INTS11: variants seen among roughly 807,000 people sequenced by gnomAD.
The protein encoded by INTS11 is CPSF3-like protein.
In INTS11, 77 loss-of-function variants were observed where a neutral mutation model predicts 78.6. That is an observed-to-expected ratio of 0.98 (90% confidence interval 0.81 to 1.18). The LOEUF (loss-of-function observed/expected upper bound fraction) is 1.18. INTS11 is among the 50% of genes most tolerant of loss of function. The probability of loss-of-function intolerance (pLI) is 0.00; values close to 1 mark genes in which losing one functional copy is unlikely to be tolerated. For missense variants in INTS11, 875 were observed against 825.9 expected, an observed-to-expected ratio of 1.06 and a Z score of -0.73; for synonymous variants, 441 against 326.9, an observed-to-expected ratio of 1.35 and a Z score of -3.77.
rs548814527 is a variant in INTS11 at position 1,314,447 on chromosome 1, G to A, written c.703-82C>T. On this transcript the variant is annotated intron_variant, in intron 7 of 16. Transcript: ENST00000435064. This position sits in a 1 kb window ranked among gnomAD's most constrained non-coding sequence, Gnocchi z 4.2. ...GCGTCCAGTGAGGGCACGGCCAGGT[G>A]CCCAAGAGCTGCGGCCTCATAGGGA... The A allele has an allele frequency of 1.3e-4, 175 of 1,300,364 alleles. 1 individual carries two copies. The Middle Eastern group carries it at 3.0e-3, about 23-fold the overall frequency. The allele number at this position is 1,300,364 out of a possible 1,614,324, so 80.6% of individuals were successfully genotyped here.
Position 1,314,390 on chromosome 1 carries a change from C to T in INTS11, c.703-25G>A, listed in dbSNP as rs776374542. The T allele has an allele frequency of 1.0e-5, 16 of 1,592,852 alleles. No homozygotes were observed. The highest frequency in any genetic ancestry group is 5.2e-5 in the Admixed American group (3 of 57,754). ...CCTGAGGGGGACACAAGGCAGGAGC[C>T]CTGGGCACATGGCCCCTCGACACAG... On this transcript the variant is annotated intron_variant, in intron 7 of 16. Coordinates refer to ENST00000435064, the MANE Select transcript of INTS11 (RefSeq NM_017871.6). This position sits in a 1 kb window ranked among gnomAD's most constrained non-coding sequence, Gnocchi z 4.2.
Position 1,313,903 on chromosome 1 carries a change from C to G in INTS11, c.786G>C (p.Lys262Asn). 6.2e-7 allele frequency: 1 copy of G among 1,612,700 alleles called. No homozygotes were observed. The highest frequency in any genetic ancestry group is 8.5e-7 in the Non-Finnish European group (1 of 1,179,680). ...LETFWERMNL[K>N]VPIYFSTGLT... Reference sequence around the variant, plus strand: ...GCCCCGTGGAGAAGTAGATGGGCACCTTCAGGTTCATGCGCTCCCTGGGGA... The same window carrying G: ...GCCCCGTGGAGAAGTAGATGGGCACGTTCAGGTTCATGCGCTCCCTGGGGA... The change falls in exon 9 of 17, where the codon AAG (lysine) becomes AAC (asparagine). Residue 262 changes from lysine (K) to asparagine (N), a missense_variant. Transcript: ENST00000435064.
chr1:1,322,923 G>T, intron 1 of INTS11: 1 of 1,340,142 alleles, frequency 7.5e-7, no homozygotes, highest in Non-Finnish European at 9.6e-7. Flanking sequence ...AATATACCCA[G>T]GTACAGATTG....
chr1:1,314,796 C>G lies in INTS11; in HGVS notation c.702+28G>C. ...AAGACCAGCCCAGCATGGCCGAGGG[C>G]CCATGTCCCCACCCCTGCTGCAGCT... is the stretch of plus-strand genomic sequence containing the variant. On this transcript the variant is annotated intron_variant, in intron 7 of 16. Transcript: ENST00000435064. The surrounding 1 kb of genome is among the most constrained non-coding windows in gnomAD (Gnocchi z 4.2). The G allele has an allele frequency of 6.2e-7, 1 of 1,600,300 alleles. No homozygotes were observed. The highest frequency in any genetic ancestry group is 8.5e-7 in the Non-Finnish European group (1 of 1,170,312).
Position 1,311,673 on chromosome 1 carries a change from C to T in INTS11, c.*186G>A, listed in dbSNP as rs1319324441. On this transcript the variant is annotated 3_prime_UTR_variant, in exon 17 of 17. Coordinates refer to ENST00000435064, the MANE Select transcript of INTS11 (RefSeq NM_017871.6). ...TAACCAGGAATAAAGGCAAGACAGC[C>T]TGGAGACCAGTTTGTTTCTTCAGCT... The T allele has an allele frequency of 1.4e-6, 1 of 721,868 alleles. No individual in the cohort carries two copies. 44.7% of individuals were successfully genotyped at this position (721,868 alleles called of 1,614,324 possible).
Position 1,313,737 on chromosome 1 carries a change from G to C in INTS11, c.952C>G (p.Pro318Ala). Residue 318 changes from proline to alanine, a missense_variant, in exon 9 of 17, where the codon CCG (proline) becomes GCG (alanine). Coordinates refer to ENST00000435064, the MANE Select transcript of INTS11 (RefSeq NM_017871.6). ...FDRAFADNPG[P>A]MVVFATPGML... is the part of the protein sequence containing the mutation. ...GGCCCTGCCGCGGGCCTCACCATCGGTCCTGGGTTGTCAGCAAAAGCCCGG... is the reference window on the plus strand; with the variant it reads ...GGCCCTGCCGCGGGCCTCACCATCGCTCCTGGGTTGTCAGCAAAAGCCCGG... The C allele has an allele frequency of 6.2e-7, 1 of 1,612,794 alleles. No homozygotes were observed. The highest frequency in any genetic ancestry group is 8.5e-7 in the Non-Finnish European group (1 of 1,179,818).
chr1:1,314,607 G>C lies in INTS11; in HGVS notation c.702+217C>G. Reference sequence around the variant, plus strand: ...GAGAGACAGAAGGAGCCTGGCCAGGGCTTCGTCCGCACCTGAGGTAGGAGG... The same window carrying C: ...GAGAGACAGAAGGAGCCTGGCCAGGCCTTCGTCCGCACCTGAGGTAGGAGG... On this transcript the variant is annotated intron_variant, in intron 7 of 16. Coordinates refer to ENST00000435064, the MANE Select transcript of INTS11 (RefSeq NM_017871.6). The surrounding 1 kb of genome is among the most constrained non-coding windows in gnomAD (Gnocchi z 4.2). The C allele has an allele frequency of 1.5e-6, 1 of 659,200 alleles. No homozygotes were observed. Among genetic ancestry groups the C allele is most frequent in the African/African-American group, 1.8e-5 (1 of 54,980 alleles). 40.8% of individuals were successfully genotyped at this position (659,200 alleles called of 1,614,324 possible). A position where few individuals can be genotyped will look rare whatever the true frequency, so the allele number is the denominator to read the frequency against.
chr1:1,317,358 G>A (rs1642678871), intron 4 of INTS11: 2 of 417,462 alleles, frequency 4.8e-6, no homozygotes, highest in African/African-American at 4.4e-5. Flanking sequence ...TCGCACCACT[G>A]CACTACAGCC....
At chr1:1,315,297 G>T in intron 6 of INTS11, 107 bp downstream of exon 6, 1 of 1,365,384 alleles carries the variant, frequency 7.3e-7, no homozygotes, top group Non-Finnish European at 1.0e-6. Flanking sequence ...CACAGGACAT[G>T]GGAGACACTG....
chr1:1,324,291 G>A (rs1480930679), intron 1 of INTS11, among the ~76,000 whole-genome samples: 1 of 152,030 alleles, frequency 6.6e-6, no homozygotes, highest in African/African-American at 2.4e-5. Flanking sequence ...GGGAGGTCAA[G>A]GCACCGACGA....
intron 4 of INTS11, chr1:1,319,083 A>G (rs2100615783): frequency 1.4e-6 from 1 of 728,480 alleles, no homozygotes. Flanking sequence ...CCCACCCTGC[A>G]CGTGCTCTCC....
At position 1,314,186 on chromosome 1, in the gene INTS11, A is replaced by G; in HGVS notation, c.767+115T>C. 1 of 1,036,438 alleles carries G rather than the reference A, an allele frequency of 9.6e-7. No homozygotes were observed. Among genetic ancestry groups the G allele is most frequent in the Non-Finnish European group, 1.5e-6 (1 of 679,786 alleles). The allele number at this position is 1,036,438 out of a possible 1,614,324, so 64.2% of individuals were successfully genotyped here. On this transcript the variant is annotated intron_variant, in intron 8 of 16. Coordinates refer to ENST00000435064, the MANE Select transcript of INTS11 (RefSeq NM_017871.6). The surrounding 1 kb of genome is among the most constrained non-coding windows in gnomAD (Gnocchi z 4.2). The stretch of plus-strand genomic sequence containing the variant: ...CACAGCACACGAGCGGCCCCCCAGG[A>G]CAGCAGCAAGCAGGGCCAAGATGCC...
At position 1,321,104 on chromosome 1, in the gene INTS11, G is replaced by A. The variant is rs1297114278; in HGVS notation, c.29-11C>T. On this transcript the variant is annotated splice_polypyrimidine_tract_variant and intron_variant, in intron 1 of 16. Transcript: ENST00000435064. ...CGTCCTGGCCGGCCCCTACTCGAGGGAGGGCAGATGAGTCACTGCTGCGCC... is the reference window on the plus strand; with the variant it reads ...CGTCCTGGCCGGCCCCTACTCGAGGAAGGGCAGATGAGTCACTGCTGCGCC... 1.2e-6 allele frequency: 2 copies of A among 1,600,544 alleles called. No homozygotes were observed. Among genetic ancestry groups the A allele is most frequent in the Non-Finnish European group, 1.7e-6 (2 of 1,170,964 alleles).
In INTS11 at chr1:1,314,297, C is replaced by G. The variant is rs754668885; in HGVS notation, c.767+4G>C. ...CCTTAAAGAGCCGTCCTGGCGGCAC[C>G]TACCAGAAGGTCTCCAGGAGGATGC... On this transcript the variant is annotated splice_donor_region_variant and intron_variant, in intron 8 of 16. Transcript: ENST00000435064. The surrounding 1 kb of genome is among the most constrained non-coding windows in gnomAD (Gnocchi z 4.2). 9 of 1,595,164 alleles carry G rather than the reference C, an allele frequency of 5.6e-6. No individual in the cohort carries two copies. Among genetic ancestry groups the G allele is most frequent in the Admixed American group, 3.5e-5 (2 of 56,828 alleles).
chr1:1,319,495 A>C lies in INTS11; in HGVS notation c.230T>G (p.Leu77Arg). The C allele has an allele frequency of 6.3e-7, 1 of 1,591,782 alleles. No individual in the cohort carries two copies. Among genetic ancestry groups the C allele is most frequent in the Non-Finnish European group, 8.6e-7 (1 of 1,167,660 alleles). Residue 77 changes from leucine (L) to arginine (R), a missense_variant, in exon 4 of 17, where the codon CTC (leucine) becomes CGC (arginine). Physicochemically the swap from Leu to Arg is moderately radical, Grantham distance 102 (BLOSUM62 -2). Transcript: ENST00000435064. Reference sequence around the variant, plus strand: ...GCCCACCATCTCGCTGAAGTAGGGGAGTGCCCCGCAGTGGTCCAGGTGGAA... The same window carrying C: ...GCCCACCATCTCGCTGAAGTAGGGGCGTGCCCCGCAGTGGTCCAGGTGGAA... ...SHFHLDHCGA[L>R]PYFSEMVGYD...
In INTS11 at chr1:1,315,632, G is replaced by C. The variant is rs1485397777; in HGVS notation, c.430-14C>G. ...CTCATCATCTACCTGTGGAGGACAGGGCTGCGCTCAGGCTGTGTCCTCACA... is the reference window on the plus strand; with the variant it reads ...CTCATCATCTACCTGTGGAGGACAGCGCTGCGCTCAGGCTGTGTCCTCACA... On this transcript the variant is annotated splice_polypyrimidine_tract_variant and intron_variant, in intron 4 of 16. Coordinates refer to ENST00000435064, the MANE Select transcript of INTS11 (RefSeq NM_017871.6). The C allele has an allele frequency of 1.2e-6, 2 of 1,600,974 alleles. No individual in the cohort carries two copies. Among genetic ancestry groups the C allele is most frequent in the Non-Finnish European group, 1.7e-6 (2 of 1,171,882 alleles).
rs370973617 is a variant in INTS11, at chr1:1,314,608, C to T, written c.702+216G>A. On this transcript the variant is annotated intron_variant, in intron 7 of 16. Transcript: ENST00000435064. The surrounding 1 kb of genome is among the most constrained non-coding windows in gnomAD (Gnocchi z 4.2). ...AGAGACAGAAGGAGCCTGGCCAGGGCTTCGTCCGCACCTGAGGTAGGAGGG... is the reference window on the plus strand; with the variant it reads ...AGAGACAGAAGGAGCCTGGCCAGGGTTTCGTCCGCACCTGAGGTAGGAGGG... 1.7e-4 allele frequency: 112 copies of T among 662,860 alleles called. No homozygotes were observed. In the East Asian group the frequency reaches 2.8e-3, roughly 16 times the overall value. 41.1% of individuals were successfully genotyped at this position (662,860 alleles called of 1,614,324 possible).
chr1:1,312,432 G>T lies in INTS11; in HGVS notation c.1464+8C>A. ...CCTCCCCCCTCCAGAGACCGTCCTG[G>T]CACTCACGCTGTCCTTCATGATCAG... On this transcript the variant is annotated splice_region_variant and intron_variant, in intron 14 of 16. Transcript: ENST00000435064. 1 of 1,566,572 alleles carries T rather than the reference G, an allele frequency of 6.4e-7. No individual in the cohort carries two copies. Among genetic ancestry groups the T allele is most frequent in the Non-Finnish European group, 8.6e-7 (1 of 1,156,102 alleles).
intron 10 of INTS11, 46 bp downstream of exon 10, chr1:1,313,463 C>A: frequency 6.3e-7 from 1 of 1,598,612 alleles, no homozygotes. Flanking sequence ...AAGGACAACC[C>A]GTCGGCCTCC....
Sources: gnomAD v4.1 joint callset for allele counts (sites outside exome capture counted in the v4.1 genomes callset) on GRCh38, gnomAD v4.1.1 for gene constraint, Gnocchi (gnomAD v3.1) non-coding constraint, MANE v1.5 for transcripts, NCBI Gene and HGNC (gene_info 2026-07-23, HGNC 2026-07-21) for gene names.